The following NFAT5 variants were observed in gnomAD, a reference collection of about 807,000 sequenced individuals.
The protein encoded by NFAT5 is nuclear factor of activated T cells 5.
Under a neutral mutation model 166.5 loss-of-function variants are expected in NFAT5, and 31 were observed. The ratio of observed to expected loss-of-function variants is 0.19; its 90% CI spans 0.14 to 0.25. NFAT5 has a LOEUF of 0.25. NFAT5 is among the 10% of genes least tolerant of loss of function. NFAT5 has a pLI of 1.00. For missense variants in NFAT5, 1,449 were observed against 1,821.8 expected (o/e 0.80, Z 3.72); for synonymous variants, 612 against 639.7 (o/e 0.96, Z 0.65).
chr16:69,661,380 T>TA (rs775926746), intron 7 of NFAT5, among the ~76,000 whole-genome samples: 5,822 of 121,892 alleles, frequency 0.048, 447 homozygotes, highest in African/African-American at 0.16. Flanking sequence ...TTACAAAAAT[T>TA]AAAAAAAAAA....
chr16:69,701,119 T>A lies in NFAT5; in HGVS notation c.*4768T>A, dbSNP rs1440606701. The A allele has an allele frequency of 6.6e-6, 1 of 151,996 alleles. No individual in the cohort carries two copies. Among genetic ancestry groups the A allele is most frequent in the African/African-American group, 2.4e-5 (1 of 41,386 alleles). 9.4% of individuals were successfully genotyped at this position (151,996 alleles called of 1,614,324 possible). ...TCCACTAGGCCCGGCTAATTTTTTTTGTATTTTTTTAGTAGAGATGGGGTT... is the reference window on the plus strand; with the variant it reads ...TCCACTAGGCCCGGCTAATTTTTTTAGTATTTTTTTAGTAGAGATGGGGTT... On this transcript the variant is annotated 3_prime_UTR_variant, in exon 15 of 15. Transcript: ENST00000349945.
At chr16:69,683,142 C>G (rs1248676536) in intron 10 of NFAT5, among the ~76,000 whole-genome samples, 3 of 151,988 alleles carry the variant, frequency 2.0e-5, no homozygotes, top group Non-Finnish European at 4.4e-5. Flanking sequence ...ACCCAGGAGG[C>G]GGAGGTTGCA....
chr16:69,587,944 CTTTTTTTTTTTTTTTTTT>C (rs61460423), intron 2 of NFAT5, among the ~76,000 whole-genome samples: 1 of 68,232 alleles, frequency 1.5e-5, no homozygotes, highest in Non-Finnish European at 2.9e-5. Flanking sequence ...ATAGTGCTTT[CTTTTTTTTTTTTTTTTTT>C]TTTTTTTTGG....
chr16:69,636,361 T>C (rs1359144850), intron 3 of NFAT5, among the ~76,000 whole-genome samples: 1 of 152,148 alleles, frequency 6.6e-6, no homozygotes, highest in African/African-American at 2.4e-5. Context: ...GGATCTACCA[T>C]TCTGGGGTCT....
intron 7 of NFAT5, among the ~76,000 whole-genome samples, 160 bp from the exon 8 acceptor site, chr16:69,669,817 C>G (rs1363459283): frequency 2.6e-5 from 4 of 152,182 alleles, no homozygotes; most frequent in Non-Finnish European, 4.4e-5. Context: ...GTCAGTAGAG[C>G]AAGAATTATA....
intron 6 of NFAT5, among the ~76,000 whole-genome samples, chr16:69,657,807 C>T (rs868417412): frequency 2.2e-5 from 3 of 133,844 alleles, no homozygotes; most frequent in Admixed American, 7.7e-5. Flanking sequence ...ACATATAGGC[C>T]GGGCGCAGTG....
chr16:69,652,698 A>G (rs1005639141), intron 4 of NFAT5, among the ~76,000 whole-genome samples: 1 of 152,066 alleles, frequency 6.6e-6, no homozygotes, highest in African/African-American at 2.4e-5. Context: ...ATATACCTTC[A>G]TTTGGTTTGT....
chr16:69,668,641 G>A (rs192982462), intron 7 of NFAT5, among the ~76,000 whole-genome samples: 2 of 152,076 alleles, frequency 1.3e-5, no homozygotes, highest in Non-Finnish European at 2.9e-5. Flanking sequence ...TAAATAACCT[G>A]TTGGGCATCA....
intron 6 of NFAT5, among the ~76,000 whole-genome samples, chr16:69,657,742 G>T: frequency 8.1e-6 from 1 of 123,512 alleles, no homozygotes. Context: ...CTGGGCAACA[G>T]AGCAAGACTC....
intron 1 of NFAT5, among the ~76,000 whole-genome samples, 153 bp from the exon 2 acceptor site, chr16:69,568,342 A>ATGTGTGTGTGTG (rs1490882720): frequency 1.1e-3 from 52 of 47,936 alleles, no homozygotes; most frequent in South Asian, 9.0e-3. Flanking sequence ...GTGTATATAT[A>ATGTGTGTGTGTG]TATATGTGTG....
rs1379704393 is a variant in NFAT5, at chr16:69,663,384, G to T, written c.1369+3485G>T. 6.6e-5 allele frequency among the ~76,000 whole-genome samples: 10 copies of T among 151,942 alleles called. No individual in the cohort carries two copies. In the East Asian group the frequency reaches 1.3e-3, roughly 20 times the overall value. On this transcript the variant is annotated intron_variant, in intron 7 of 14. Transcript: ENST00000349945. ...TTCTCCAGACAATATAGGTGTATATGTTTTTTGTTTTGGTATGTATGTTTA... is the reference window on the plus strand; with the variant it reads ...TTCTCCAGACAATATAGGTGTATATTTTTTTTGTTTTGGTATGTATGTTTA...
rs1342591023 is a variant in NFAT5, at chr16:69,693,391, A to G, written c.3566A>G (p.Gln1189Arg). ...FAAPNSISPL[Q>R]STSNSEQQAA... ...GCACCGAACTCAATTTCTCCACTTC[A>G]GTCAACATCAAACAGTGAACAACAA... is the stretch of plus-strand genomic sequence containing the variant. The change falls in exon 13 of 15, where the codon CAG (glutamine) becomes CGG (arginine). Residue 1189 changes from glutamine (Q) to arginine (R), a missense_variant. Gln to Arg is a conservative substitution (Grantham distance 43). Coordinates refer to ENST00000349945, the MANE Select transcript of NFAT5 (RefSeq NM_138713.4). 1 of 1,614,224 alleles carries G rather than the reference A, an allele frequency of 6.2e-7. No homozygotes were observed. Among genetic ancestry groups the G allele is most frequent in the Admixed American group, 1.7e-5 (1 of 60,026 alleles).
chr16:69,568,610 A>G, intron 2 of NFAT5, 62 bp downstream of exon 2: 1 of 1,359,914 alleles, frequency 7.4e-7, no homozygotes, highest in Non-Finnish European at 1.0e-6. Flanking sequence ...TCTGAAATGG[A>G]GTTTAAATGG....
intron 10 of NFAT5, 151 bp from the exon 11 acceptor site, chr16:69,684,736 T>G: frequency 1.8e-6 from 1 of 566,830 alleles, no homozygotes; most frequent in Non-Finnish European, 3.1e-6. Context: ...ATTGGAGAAT[T>G]TAGAGGATAG....
At chr16:69,614,154 C>G (rs1041301326) in intron 2 of NFAT5, among the ~76,000 whole-genome samples, 1 of 151,270 alleles carries the variant, frequency 6.6e-6, no homozygotes, top group Non-Finnish European at 1.5e-5. Flanking sequence ...TTCTCTTTCT[C>G]TCTTTTTTTT....
At chr16:69,657,527 G>A (rs932943475) in intron 6 of NFAT5, among the ~76,000 whole-genome samples, 3 of 150,868 alleles carry the variant, frequency 2.0e-5, no homozygotes, top group East Asian at 2.0e-4. Flanking sequence ...TTGGGAGGCC[G>A]AGGCAGGTGG....
Position 69,702,647 on chromosome 16 carries a change from GC to G in NFAT5, c.*6301del, listed in dbSNP as rs10714023. On this transcript the variant is annotated 3_prime_UTR_variant, in exon 15 of 15. Transcript: ENST00000349945. ...ACTGAGTCAGAAACTCTGGAATAGG[GC>G]CCCCGCAATCTGTTTTCACAAGCCC... The G allele has an allele frequency of 0.36, 55,530 of 152,230 alleles. 11,127 individuals carry two copies. Among genetic ancestry groups the G allele is most frequent in the African/African-American group, 0.53 (21,840 of 41,408 alleles). The allele number at this position is 152,230 out of a possible 1,614,324, so 9.4% of individuals were successfully genotyped here.
At chr16:69,584,098 C>T (rs1427904840) in intron 2 of NFAT5, among the ~76,000 whole-genome samples, 3 of 151,748 alleles carry the variant, frequency 2.0e-5, no homozygotes, top group Non-Finnish European at 4.4e-5. Context: ...TGGTGGTGCG[C>T]ACCTTTAATG....
intron 10 of NFAT5, among the ~76,000 whole-genome samples, chr16:69,680,339 A>G (rs2037006636): frequency 6.6e-6 from 1 of 152,198 alleles, no homozygotes; most frequent in African/African-American, 2.4e-5. Flanking sequence ...TGCTATCCTG[A>G]AAACACTGAG....
Sources: allele counts gnomAD v4.1 joint callset (sites outside exome capture counted in the v4.1 genomes callset), GRCh38; gene constraint gnomAD v4.1.1; transcripts MANE v1.5; gene names NCBI Gene and HGNC (gene_info 2026-07-23, HGNC 2026-07-21).